DYM: variants seen among roughly 807,000 people sequenced by gnomAD.
DYM encodes dyggve-Melchior-Clausen syndrome protein.
Under a neutral mutation model 93.1 loss-of-function variants are expected in DYM, and 78 were observed. That is an observed-to-expected ratio of 0.84 (90% CI 0.70 to 1.01). The LOEUF (loss-of-function observed/expected upper bound fraction) is 1.01. Ranked by LOEUF, DYM falls within the 50% of genes least tolerant of loss-of-function variation. The probability of loss-of-function intolerance (pLI) is 0.00; values close to 1 mark genes in which losing one functional copy is unlikely to be tolerated. For missense variants in DYM, 789 were observed against 845.0 expected, an observed-to-expected ratio of 0.93 and a Z score of 0.82; for synonymous variants, 321 against 319.7, an observed-to-expected ratio of 1.00 and a Z score of -0.04.
chr18:49,283,275 G>C (rs1170017068), intron 9 of DYM, among the ~76,000 whole-genome samples: 1 of 152,046 alleles, frequency 6.6e-6, no homozygotes, highest in Non-Finnish European at 1.5e-5. Context: ...TGCAGGTTGG[G>C]GGCCATCTGC....
chr18:49,302,373 T>C (rs1422584869), intron 8 of DYM, among the ~76,000 whole-genome samples: 1 of 152,238 alleles, frequency 6.6e-6, no homozygotes, highest in East Asian at 1.9e-4. Flanking sequence ...ATTTTTCCAA[T>C]ATAAAAGATT....
chr18:49,041,053 G>A lies in DYM; in HGVS notation c.*3002C>T, dbSNP rs1000026051. 1.3e-5 allele frequency among the ~76,000 whole-genome samples: 2 copies of A among 152,152 alleles called. No individual in the cohort carries two copies. Among genetic ancestry groups the A allele is most frequent in the African/African-American group, 4.8e-5 (2 of 41,420 alleles). The stretch of plus-strand genomic sequence containing the variant: ...ACTGTGTGTGCAGTGTACTTTCTAT[G>A]CTTCACCTTCAGGGACCTTCTCTTC... On this transcript the variant is annotated 3_prime_UTR_variant, in exon 18 of 18. Transcript: ENST00000675505.
chr18:49,076,192 T>C (rs1264100475), intron 17 of DYM, among the ~76,000 whole-genome samples: 2 of 152,220 alleles, frequency 1.3e-5, no homozygotes, highest in Non-Finnish European at 2.9e-5. Flanking sequence ...TCTGTATGTG[T>C]ATGTGTGTGT....
chr18:49,445,668 G>T (rs79079848), intron 1 of DYM, among the ~76,000 whole-genome samples: 8,757 of 152,216 alleles, frequency 0.058, 347 homozygotes, highest in Middle Eastern at 0.11. Context: ...GCATGGTGGG[G>T]ATCTGAGATT....
chr18:49,244,637 T>C (rs2094122833), intron 13 of DYM, among the ~76,000 whole-genome samples: 4 of 152,150 alleles, frequency 2.6e-5, no homozygotes, highest in South Asian at 4.2e-4. Flanking sequence ...ACTCATATTA[T>C]TGGATAACAC....
At chr18:49,370,777 G>A (rs1180833584) in intron 5 of DYM, among the ~76,000 whole-genome samples, 4 of 152,102 alleles carry the variant, frequency 2.6e-5, no homozygotes, top group African/African-American at 9.7e-5. Context: ...CAAAATAAAA[G>A]AAAAAGAAAC....
chr18:49,418,581 TATTAGTATTTCTAAAA>T (rs1201344346), intron 2 of DYM, among the ~76,000 whole-genome samples: 1 of 152,210 alleles, frequency 6.6e-6, no homozygotes, highest in Non-Finnish European at 1.5e-5. Flanking sequence ...CTAAAGGCCT[TATTAGTATTTCTAAAA>T]ATTGCAGCAA....
rs573531947 is a variant in DYM at position 49,181,916 on chromosome 18, T to G, written c.1626-18129A>C. 2.6e-4 allele frequency among the ~76,000 whole-genome samples: 39 copies of G among 152,322 alleles called. No individual in the cohort carries two copies. The South Asian group carries it at 5.6e-3, about 22-fold the overall frequency. Reference sequence around the variant, plus strand: ...TGAAGTCACTGATTTGAGATCTTTCTTTCTTTCCAATATAGGCATTTCAGG... The same window carrying G: ...TGAAGTCACTGATTTGAGATCTTTCGTTCTTTCCAATATAGGCATTTCAGG... On this transcript the variant is annotated intron_variant, in intron 14 of 17. Coordinates refer to ENST00000675505, the MANE Select transcript of DYM (RefSeq NM_001353214.3).
chr18:49,080,015 C>T (rs1190337915), intron 17 of DYM, among the ~76,000 whole-genome samples: 8 of 147,654 alleles, frequency 5.4e-5, no homozygotes, highest in Admixed American at 2.0e-4. Context: ...CCGGACGGGG[C>T]GGCTGGCTGG....
chr18:49,321,839 T>G (rs1312941439), intron 8 of DYM, among the ~76,000 whole-genome samples: 1 of 152,148 alleles, frequency 6.6e-6, no homozygotes, highest in African/African-American at 2.4e-5. Flanking sequence ...ATATAATTAT[T>G]GTTTATTAAG....
Position 49,317,652 on chromosome 18 carries a change from CCTTCCTTCCT to C in DYM, c.763+14202_763+14211del, listed in dbSNP as rs1568236923. On this transcript the variant is annotated intron_variant, in intron 8 of 17. Transcript: ENST00000675505. The stretch of plus-strand genomic sequence containing the variant: ...CCCTCTCCTATCCTCTCCTCTCCTT[CCTTCCTTCCT>C]TCCTTCCTTCCTTCCTTCCTTCCTT... 7.6e-3 allele frequency among the ~76,000 whole-genome samples: 445 copies of C among 58,708 alleles called. 11 individuals are homozygous for C. Among genetic ancestry groups the C allele is most frequent in the African/African-American group, 0.028 (431 of 15,374 alleles). 38.5% of individuals were successfully genotyped at this position (58,708 alleles called of 152,430 possible).
At chr18:49,436,187 A>G (rs560889043) in intron 1 of DYM, among the ~76,000 whole-genome samples, 32 of 152,082 alleles carry the variant, frequency 2.1e-4, no homozygotes, top group Non-Finnish European at 3.7e-4. Context: ...TAACTTTTTT[A>G]AATTTTTTAT....
intron 10 of DYM, among the ~76,000 whole-genome samples, 159 bp downstream of exon 10, chr18:49,281,838 G>A (rs551811160): frequency 3.3e-5 from 5 of 152,214 alleles, no homozygotes; most frequent in East Asian, 1.9e-4. Context: ...AGCATTTGGC[G>A]ATATACCTAA....
At chr18:49,289,438 C>T in intron 8 of DYM, among the ~76,000 whole-genome samples, 1 of 112,770 alleles carries the variant, frequency 8.9e-6, no homozygotes, top group Non-Finnish European at 1.8e-5. Context: ...AAAAAGTAAT[C>T]CAAAATTAAA....
intron 16 of DYM, among the ~76,000 whole-genome samples, chr18:49,099,034 T>C (rs915188882): frequency 7.2e-5 from 11 of 152,198 alleles, no homozygotes; most frequent in African/African-American, 2.7e-4. Flanking sequence ...AAAAAAATGG[T>C]TTAATGTTAG....
At position 49,378,841 on chromosome 18, in the gene DYM, T is replaced by C. The variant is rs2067767028; in HGVS notation, c.288-141A>G. The C allele has an allele frequency of 3.9e-6, 3 of 767,524 alleles. No individual in the cohort carries two copies. In the Admixed American group the frequency reaches 7.0e-5, roughly 18 times the overall value. The allele number at this position is 767,524 out of a possible 1,614,324, so 47.5% of individuals were successfully genotyped here. ...TTAGGATAATGTCCATATCTTTTAA[T>C]GGCTCATGATTTATTTCATTGTACC... On this transcript the variant is annotated intron_variant, in intron 4 of 17. Coordinates refer to ENST00000675505, the MANE Select transcript of DYM (RefSeq NM_001353214.3).
chr18:49,391,089 T>C (rs2069198628), intron 3 of DYM, among the ~76,000 whole-genome samples: 1 of 152,238 alleles, frequency 6.6e-6, no homozygotes, highest in Non-Finnish European at 1.5e-5. Context: ...AATTTTTCCT[T>C]ATAAGAATCC....
At chr18:49,379,047 A>G (rs2067791592) in intron 4 of DYM, among the ~76,000 whole-genome samples, 1 of 152,186 alleles carries the variant, frequency 6.6e-6, no homozygotes, top group African/African-American at 2.4e-5. Flanking sequence ...TGGTAACATA[A>G]AAAGAATATA....
At chr18:49,123,794 T>C (rs2082578570) in intron 15 of DYM, among the ~76,000 whole-genome samples, 1 of 152,222 alleles carries the variant, frequency 6.6e-6, no homozygotes. Flanking sequence ...GTCCTCTGAA[T>C]TATATTTGCT....
Sources: allele counts gnomAD v4.1 joint callset (sites outside exome capture counted in the v4.1 genomes callset), GRCh38; gene constraint gnomAD v4.1.1; transcripts MANE v1.5; gene names NCBI Gene and HGNC (gene_info 2026-07-23, HGNC 2026-07-21).